CADPS: variants seen among roughly 807,000 people sequenced by gnomAD.
CADPS encodes calcium dependent secretion activator.
In CADPS, 57 loss-of-function variants were observed where a neutral mutation model predicts 167.3. That is an observed-to-expected ratio of 0.34 (90% CI 0.28 to 0.42). The LOEUF is 0.42. Among genes scored for constraint, CADPS ranks in the 20% least tolerant of loss-of-function variants. The probability of loss-of-function intolerance (pLI) is 1.00; values close to 1 mark genes in which losing one functional copy is unlikely to be tolerated. For synonymous variants in CADPS, 676 were observed against 635.3 expected (o/e 1.06, Z -0.96); for missense variants, 1,414 against 1,738.1 (o/e 0.81, Z 3.32).
chr3:62,588,334 A>C (rs2085138533), intron 7 of CADPS, among the ~76,000 whole-genome samples: 1 of 143,844 alleles, frequency 7.0e-6, no homozygotes, highest in South Asian at 2.2e-4. Flanking sequence ...CACTTCCCAC[A>C]TTGCACTATA....
chr3:62,636,242 A>C (rs748266592), intron 6 of CADPS, among the ~76,000 whole-genome samples: 8 of 152,238 alleles, frequency 5.3e-5, no homozygotes, highest in Non-Finnish European at 8.8e-5. Context: ...TAGCTCACCT[A>C]CCATAACAAT....
In CADPS at chr3:62,478,641, G is replaced by A. The variant is rs2150752844; in HGVS notation, c.3174-225C>T. Among the ~76,000 whole-genome samples, 1 of 152,272 alleles carries A rather than the reference G, an allele frequency of 6.6e-6. No individual in the cohort carries two copies. Among genetic ancestry groups the A allele is most frequent in the South Asian group, 2.1e-4 (1 of 4,820 alleles). The stretch of plus-strand genomic sequence containing the variant: ...GCCAATTACCCCAGACCAGTGAGAA[G>A]TCTGGGGAAGGTGTTGCCCCATAAC... On this transcript the variant is annotated intron_variant, in intron 22 of 29. Transcript: ENST00000383710. This position sits in a 1 kb window ranked among gnomAD's most constrained non-coding sequence, Gnocchi z 5.7.
intron 1 of CADPS, among the ~76,000 whole-genome samples, chr3:62,853,948 C>T (rs2079138849): frequency 6.6e-6 from 1 of 151,960 alleles, no homozygotes; most frequent in Non-Finnish European, 1.5e-5. Flanking sequence ...AGACAGTAAG[C>T]CTGTCACATT....
intron 6 of CADPS, among the ~76,000 whole-genome samples, chr3:62,612,818 GTTCATCCA>G (rs1275023334): frequency 2.6e-5 from 4 of 152,146 alleles, no homozygotes; most frequent in Non-Finnish European, 4.4e-5. Flanking sequence ...ATTTGTTGAT[GTTCATCCA>G]TTCATCCATT....
At position 62,753,081 on chromosome 3, in the gene CADPS, C is replaced by CT. The variant is rs879313649; in HGVS notation, c.888+359dup. ...CTTCCCAGCTGAGGAAGCACAAGCCCTTCAACTGGCAAACACCAAAGGCAG... is the reference window on the plus strand; with the variant it reads ...CTTCCCAGCTGAGGAAGCACAAGCCCTTTCAACTGGCAAACACCAAAGGCAG... On this transcript the variant is annotated intron_variant, in intron 3 of 29. Coordinates refer to ENST00000383710, the MANE Select transcript of CADPS (RefSeq NM_003716.4). This position sits in a 1 kb window ranked among gnomAD's most constrained non-coding sequence, Gnocchi z 4.6. Among the ~76,000 whole-genome samples, 2 of 152,156 alleles carry CT rather than the reference C, an allele frequency of 1.3e-5. No individual in the cohort carries two copies. Among genetic ancestry groups the CT allele is most frequent in the Non-Finnish European group, 2.9e-5 (2 of 68,030 alleles).
intron 3 of CADPS, among the ~76,000 whole-genome samples, chr3:62,698,009 G>A (rs1351158112): frequency 1.3e-5 from 2 of 151,898 alleles, no homozygotes; most frequent in African/African-American, 4.8e-5. Context: ...TTTGTCAGAT[G>A]TATAGATGGT....
intron 14 of CADPS, among the ~76,000 whole-genome samples, 159 bp from the exon 15 acceptor site, chr3:62,516,802 T>C (rs2069096657): frequency 6.6e-6 from 1 of 152,128 alleles, no homozygotes; most frequent in Non-Finnish European, 1.5e-5. Flanking sequence ...CATATATGTG[T>C]GTATATAATG....
At chr3:62,486,787 C>T (rs563783812) in intron 21 of CADPS, among the ~76,000 whole-genome samples, 1 of 152,312 alleles carries the variant, frequency 6.6e-6, no homozygotes, top group South Asian at 2.1e-4. Context: ...TGTGACTGCT[C>T]CTGCAGAGCA....
At chr3:62,556,638 C>T (rs2078193477) in intron 10 of CADPS, among the ~76,000 whole-genome samples, 1 of 152,040 alleles carries the variant, frequency 6.6e-6, no homozygotes, top group South Asian at 2.1e-4. Context: ...TTCGCACCCC[C>T]CTCCCATTTT....
chr3:62,640,076 T>G (rs749494280), intron 6 of CADPS, among the ~76,000 whole-genome samples: 1 of 152,228 alleles, frequency 6.6e-6, no homozygotes, highest in Non-Finnish European at 1.5e-5. Flanking sequence ...AGATATGTTA[T>G]TCACAGCTGT....
chr3:62,424,539 A>G (rs1052709161), intron 28 of CADPS, among the ~76,000 whole-genome samples: 2 of 152,206 alleles, frequency 1.3e-5, no homozygotes, highest in African/African-American at 4.8e-5. Flanking sequence ...GGGGTTAAGT[A>G]GTGTGAAGCA....
chr3:62,517,624 G>A (rs2069324040), intron 14 of CADPS, among the ~76,000 whole-genome samples: 2 of 152,138 alleles, frequency 1.3e-5, no homozygotes, highest in Admixed American at 1.3e-4. Context: ...GTGCTCCAAG[G>A]GAGAAGTGGG....
chr3:62,632,776 A>AT (rs977424763), intron 6 of CADPS, among the ~76,000 whole-genome samples: 8 of 152,024 alleles, frequency 5.3e-5, no homozygotes, highest in Middle Eastern at 3.4e-3. Context: ...GAATGCGTTT[A>AT]TTTTTTTTGG....
At chr3:62,671,074 C>G (rs2075425722) in intron 3 of CADPS, among the ~76,000 whole-genome samples, 1 of 152,202 alleles carries the variant, frequency 6.6e-6, no homozygotes, top group Non-Finnish European at 1.5e-5. Context: ...TAAGCTGCCT[C>G]TGTCTGTGCC....
intron 6 of CADPS, among the ~76,000 whole-genome samples, chr3:62,627,373 T>C (rs1222239852): frequency 6.6e-6 from 1 of 152,136 alleles, no homozygotes; most frequent in Admixed American, 6.6e-5. Flanking sequence ...TTATGGCCTG[T>C]CTATAAAAAT....
In CADPS at chr3:62,819,351, A is replaced by C. The variant is rs1192917573; in HGVS notation, c.442-53367T>G. Among the ~76,000 whole-genome samples the C allele has an allele frequency of 2.0e-5, 3 of 152,060 alleles. No homozygotes were observed. The East Asian group carries it at 5.8e-4, about 29-fold the overall frequency. ...CCAAGGTTTTAGTGATGATGCTCAC[A>C]ACATGTTGGAAGACCAAATTTTGGG... On this transcript the variant is annotated intron_variant, in intron 1 of 29. Transcript: ENST00000383710.
Position 62,465,519 on chromosome 3 carries a change from T to C in CADPS, c.3553-69A>G, listed in dbSNP as rs577766565. 220 of 1,062,222 alleles carry C rather than the reference T, an allele frequency of 2.1e-4. No individual in the cohort carries two copies. The highest frequency in any genetic ancestry group is 3.0e-4 in the Non-Finnish European group (214 of 716,420). The allele number at this position is 1,062,222 out of a possible 1,614,324, so 65.8% of individuals were successfully genotyped here. Reference sequence around the variant, plus strand: ...AATTGTTCACCATAAAGCACATCATTTCCCCACCACATAAAGGCTGGGATC... The same window carrying C: ...AATTGTTCACCATAAAGCACATCATCTCCCCACCACATAAAGGCTGGGATC... On this transcript the variant is annotated intron_variant, in intron 25 of 29. Transcript: ENST00000383710. The surrounding 1 kb of genome is among the most constrained non-coding windows in gnomAD (Gnocchi z 4.1).
chr3:62,586,129 T>C (rs1229218800), intron 7 of CADPS, among the ~76,000 whole-genome samples: 1 of 152,164 alleles, frequency 6.6e-6, no homozygotes, highest in Non-Finnish European at 1.5e-5. Flanking sequence ...AATATGCATT[T>C]AGGGAGGAAT....
chr3:62,516,273 G>A, intron 15 of CADPS, 91 bp from the exon 16 acceptor site: 3 of 1,488,586 alleles, frequency 2.0e-6, no homozygotes, highest in Non-Finnish European at 2.8e-6. Flanking sequence ...TTTAAAATCA[G>A]TTCTTTGTGA....
Sources: gnomAD v4.1 joint callset for allele counts (sites outside exome capture counted in the v4.1 genomes callset) on GRCh38, gnomAD v4.1.1 for gene constraint, Gnocchi (gnomAD v3.1) non-coding constraint, MANE v1.5 for transcripts, NCBI Gene and HGNC (gene_info 2026-07-23, HGNC 2026-07-21) for gene names.